The following CACNA1A variants were observed in gnomAD, a reference collection of about 807,000 sequenced individuals.
The protein encoded by CACNA1A is calcium voltage-gated channel subunit alpha1 A.
Under a neutral mutation model 262.4 loss-of-function variants are expected in CACNA1A, and 57 were observed. The observed-to-expected ratio is 0.22, with a 90% CI of 0.18 to 0.27. The LOEUF (loss-of-function observed/expected upper bound fraction) is 0.27. CACNA1A is among the 10% of genes least tolerant of loss of function. The pLI, the probability that CACNA1A is intolerant of heterozygous loss-of-function variation, is 1.00. For missense variants in CACNA1A, 2,526 were observed against 3,562.8 expected (o/e 0.71, Z 7.41); for synonymous variants, 1,431 against 1,419.3 (o/e 1.01, Z -0.18).
At chr19:13,211,680 GCA>G (rs1402037290) in intron 43 of CACNA1A, 1 of 209,342 alleles carries the variant, frequency 4.8e-6, no homozygotes, top group African/African-American at 2.4e-5. Context: ...CTGAGTAGGC[GCA>G]CAGCTGCACA....
chr19:13,336,943 T>C (rs185115097), intron 6 of CACNA1A, among the ~76,000 whole-genome samples: 1 of 152,354 alleles, frequency 6.6e-6, no homozygotes, highest in East Asian at 1.9e-4. Flanking sequence ...CTTTGAATAG[T>C]TGATCACCCT....
At chr19:13,466,516 T>A (rs1443209559) in intron 1 of CACNA1A, among the ~76,000 whole-genome samples, 2 of 152,002 alleles carry the variant, frequency 1.3e-5, no homozygotes, top group Non-Finnish European at 2.9e-5. Context: ...AATTTTTGCA[T>A]TTTTAGTAGA....
intron 21 of CACNA1A, 55 bp from the exon 22 acceptor site, chr19:13,283,451 C>G (rs2057334481): frequency 6.2e-7 from 1 of 1,608,052 alleles, no homozygotes; most frequent in African/African-American, 1.3e-5. Context: ...GCTCACAAAC[C>G]CTTTTCTTCC....
intron 10 of CACNA1A, among the ~76,000 whole-genome samples, chr19:13,329,885 G>A (rs1353107891): frequency 6.6e-6 from 1 of 151,194 alleles, no homozygotes; most frequent in Non-Finnish European, 1.5e-5. Flanking sequence ...GCTCAGCCTC[G>A]TGACTGCCTT....
chr19:13,388,230 C>T (rs1050270527), intron 3 of CACNA1A, among the ~76,000 whole-genome samples: 5 of 141,916 alleles, frequency 3.5e-5, no homozygotes, highest in African/African-American at 1.3e-4. Context: ...CTTGAAAAAA[C>T]GATTTCTTCC....
chr19:13,214,640 C>G lies in CACNA1A; in HGVS notation c.5732-32G>C. ...TGGGGGTGTAGACAGACCCTGACTG[C>G]CTGCCTGGGTGTCAGCTGGACTCTG... On this transcript the variant is annotated intron_variant, in intron 38 of 46. Coordinates refer to ENST00000360228, the MANE Select transcript of CACNA1A (RefSeq NM_001127222.2). The surrounding 1 kb of genome is among the most constrained non-coding windows in gnomAD (Gnocchi z 4.1). 1 of 1,536,518 alleles carries G rather than the reference C, an allele frequency of 6.5e-7. No individual in the cohort carries two copies. The highest frequency in any genetic ancestry group is 9.0e-7 in the Non-Finnish European group (1 of 1,113,798).
chr19:13,292,395 T>C (rs1379913766), intron 19 of CACNA1A, among the ~76,000 whole-genome samples: 2 of 151,908 alleles, frequency 1.3e-5, no homozygotes, highest in African/African-American at 2.4e-5. Flanking sequence ...GGAGGATCGC[T>C]TGAACCCAGG....
intron 2 of CACNA1A, 109 bp from the exon 3 acceptor site, chr19:13,453,124 G>T: frequency 8.7e-7 from 1 of 1,145,456 alleles, no homozygotes; most frequent in Non-Finnish European, 1.3e-6. Flanking sequence ...CACTTCCCCT[G>T]ACCCTCCTGC....
At chr19:13,351,279 A>G (rs550780343) in intron 6 of CACNA1A, among the ~76,000 whole-genome samples, 1 of 152,320 alleles carries the variant, frequency 6.6e-6, no homozygotes, top group African/African-American at 2.4e-5. Flanking sequence ...CTTTTGTAAG[A>G]AAGATTTGCC....
At chr19:13,318,111 G>A (rs1011612611) in intron 10 of CACNA1A, among the ~76,000 whole-genome samples, 15 of 146,824 alleles carry the variant, frequency 1.0e-4, no homozygotes, top group African/African-American at 3.3e-4. Flanking sequence ...AGCGAGACAA[G>A]TTCTTTTAAA....
chr19:13,379,224 T>A (rs967561167), intron 3 of CACNA1A, among the ~76,000 whole-genome samples: 1 of 152,046 alleles, frequency 6.6e-6, no homozygotes, highest in Non-Finnish European at 1.5e-5. Context: ...CAAGCAATCC[T>A]CCTGCCTTGG....
intron 29 of CACNA1A, among the ~76,000 whole-genome samples, chr19:13,254,063 G>A (rs578094286): frequency 6.6e-6 from 1 of 152,120 alleles, no homozygotes; most frequent in South Asian, 2.1e-4. Context: ...TTGAAGTGCC[G>A]AGAAGGAGCT....
intron 38 of CACNA1A, among the ~76,000 whole-genome samples, chr19:13,223,507 G>A (rs938795639): frequency 2.0e-5 from 3 of 152,122 alleles, no homozygotes; most frequent in Admixed American, 2.0e-4. Context: ...GATCTAAGCT[G>A]CCGCCCTGTC....
At chr19:13,366,381 G>A (rs1475711388) in intron 4 of CACNA1A, 1 of 152,174 alleles carries the variant, frequency 6.6e-6, no homozygotes, top group Non-Finnish European at 1.5e-5. Flanking sequence ...GAGGCAGGAG[G>A]ATCGTTAAGG....
At chr19:13,223,774 C>A (rs2055328578) in intron 38 of CACNA1A, among the ~76,000 whole-genome samples, 1 of 152,186 alleles carries the variant, frequency 6.6e-6, no homozygotes, top group Admixed American at 6.5e-5. Flanking sequence ...CACTGCCTTA[C>A]CTCCTCAGTG....
intron 3 of CACNA1A, among the ~76,000 whole-genome samples, chr19:13,378,050 T>C (rs1027648111): frequency 6.6e-6 from 1 of 152,186 alleles, no homozygotes; most frequent in East Asian, 1.9e-4. Flanking sequence ...TCAACATTAA[T>C]AGGAATTTTG....
At position 13,207,422 on chromosome 19, in the gene CACNA1A, C is replaced by A; in HGVS notation, c.7412G>T (p.Arg2471Leu). The A allele has an allele frequency of 6.6e-7, 1 of 1,525,954 alleles. No homozygotes were observed. The highest frequency in any genetic ancestry group is 8.8e-7 in the Non-Finnish European group (1 of 1,141,398). 94.5% of individuals were successfully genotyped at this position (1,525,954 alleles called of 1,614,324 possible). A position where few individuals can be genotyped will look rare whatever the true frequency, so the allele number is the denominator to read the frequency against. ...CGCCGGGTAGTAGCCGTTGGGGAGT[C>A]GCCGGCCGTGCCGAGAAGGCGAGGC... ...ACASPSRHGRRLPNGYYPAHG... is the reference protein window; with the variant it reads ...ACASPSRHGRLLPNGYYPAHG... The change falls in exon 47 of 47, where the codon CGA becomes CTA. Residue 2471 changes from arginine to leucine, a missense_variant. Coordinates refer to ENST00000360228, the MANE Select transcript of CACNA1A (RefSeq NM_001127222.2). The surrounding 1 kb of genome is among the most constrained non-coding windows in gnomAD (Gnocchi z 5.7).
chr19:13,285,139 G>GTCTTCCTCCTCCTCCTTCTTC lies in CACNA1A; in HGVS notation c.3600_3620dup (p.Glu1200_Glu1206dup). On this transcript the variant is annotated inframe_insertion, in exon 21 of 47. Transcript: ENST00000360228. ...GCTTAGGGCCGTCTTCCCCACGGTCGTCTTCCTCCTCCTCCTTCTTCTCTT... is the reference window on the plus strand; with the variant it reads ...GCTTAGGGCCGTCTTCCCCACGGTCGTCTTCCTCCTCCTCCTTCTTCTCTTCCTCCTCCTCCTTCTTCTCTT... The GTCTTCCTCCTCCTCCTTCTTC allele has an allele frequency of 1.2e-6, 2 of 1,613,894 alleles. No individual in the cohort carries two copies. The highest frequency in any genetic ancestry group is 1.7e-6 in the Non-Finnish European group (2 of 1,179,858).
intron 6 of CACNA1A, among the ~76,000 whole-genome samples, chr19:13,346,607 TTTAA>T (rs2058766866): frequency 1.6e-5 from 2 of 125,902 alleles, no homozygotes; most frequent in South Asian, 5.1e-4. Context: ...AAGGAAAATT[TTTAA>T]TTGATTATAT....
Sources: allele counts gnomAD v4.1 joint callset (sites outside exome capture counted in the v4.1 genomes callset), GRCh38; gene constraint gnomAD v4.1.1; non-coding constraint Gnocchi (gnomAD v3.1); transcripts MANE v1.5; gene names NCBI Gene and HGNC (gene_info 2026-07-23, HGNC 2026-07-21).